Variants in QKI observed in about 807,000 individuals in gnomAD.
QKI encodes the protein KH domain-containing RNA-binding protein QKI.
QKI carries 10 observed loss-of-function variants against 39.0 expected under a neutral mutation model. The observed-to-expected ratio is 0.26, with a 90% CI of 0.16 to 0.43. The LOEUF (loss-of-function observed/expected upper bound fraction) is 0.43, where lower values mean the gene tolerates loss of function less well. QKI is among the 20% of genes least tolerant of loss of function. The pLI, the probability that QKI is intolerant of heterozygous loss-of-function variation, is 1.00. For synonymous variants in QKI, 204 were observed against 155.4 expected (o/e 1.31, Z -2.33); for missense variants, 218 against 428.0 (o/e 0.51, Z 4.33).
intron 3 of QKI, among the ~76,000 whole-genome samples, chr6:163,492,589 G>A (rs1778125409): frequency 6.6e-6 from 1 of 152,060 alleles, no homozygotes; most frequent in Non-Finnish European, 1.5e-5. Flanking sequence ...AAGATTTTTG[G>A]TGAATTAAAA....
intron 3 of QKI, among the ~76,000 whole-genome samples, chr6:163,482,868 C>A (rs763713106): frequency 3.9e-5 from 6 of 152,098 alleles, no homozygotes; most frequent in African/African-American, 1.4e-4. Flanking sequence ...CATTGGTGAT[C>A]GACTCAACAT....
intron 4 of QKI, among the ~76,000 whole-genome samples, chr6:163,551,936 T>C (rs1227873753): frequency 6.6e-6 from 1 of 152,176 alleles, no homozygotes; most frequent in East Asian, 1.9e-4. Flanking sequence ...TTGACCATAG[T>C]AGGGATTAGG....
chr6:163,431,577 T>C (rs922230714), intron 1 of QKI, among the ~76,000 whole-genome samples: 10 of 152,250 alleles, frequency 6.6e-5, no homozygotes, highest in Non-Finnish European at 1.5e-4. Flanking sequence ...TACTTATCTT[T>C]GTTAGGTCAT....
intron 7 of QKI, 125 bp from the exon 8 acceptor site, chr6:163,570,566 CTTT>C (rs565056784): frequency 3.7e-6 from 5 of 1,359,032 alleles, no homozygotes; most frequent in Non-Finnish European, 4.9e-6. Flanking sequence ...ATTAAACATG[CTTT>C]TTTTTTTATT....
intron 1 of QKI, chr6:163,415,833 G>A: frequency 4.2e-6 from 2 of 473,314 alleles, no homozygotes; most frequent in South Asian, 3.0e-5. Context: ...CTCCCCTCCC[G>A]TGAGGACTAA....
At chr6:163,569,884 G>C in intron 7 of QKI, 4 of 986,778 alleles carry the variant, frequency 4.1e-6, no homozygotes, top group Non-Finnish European at 4.8e-6. Flanking sequence ...AGAGCTTTTT[G>C]AGTGTAGAAT....
chr6:163,465,374 A>AT (rs1161310683), intron 2 of QKI, among the ~76,000 whole-genome samples: 1 of 152,178 alleles, frequency 6.6e-6, no homozygotes, highest in Admixed American at 6.5e-5. Flanking sequence ...CATGGCTCTG[A>AT]TTCCCAGCAC....
At chr6:163,570,560 A>G (rs1783644517) in intron 7 of QKI, 134 bp from the exon 8 acceptor site, 1 of 1,501,168 alleles carries the variant, frequency 6.7e-7, no homozygotes, top group South Asian at 1.4e-5. Context: ...GTCAGAATTA[A>G]ACATGCTTTT....
In QKI at chr6:163,573,609, G is replaced by A. The variant is rs983121540; in HGVS notation, c.*2899G>A. ...TTTTGATAACTGAAAATTGCCAATT[G>A]TTTTGCAGTACTTTATTATATTGGG... On this transcript the variant is annotated 3_prime_UTR_variant, in exon 8 of 8. Coordinates refer to ENST00000361752, the MANE Select transcript of QKI (RefSeq NM_006775.3). 2 of 152,116 alleles carry A rather than the reference G, an allele frequency of 1.3e-5. No homozygotes were observed. The highest frequency in any genetic ancestry group is 2.9e-5 in the Non-Finnish European group (2 of 67,998). 9.4% of individuals were successfully genotyped at this position (152,116 alleles called of 1,614,324 possible).
At chr6:163,441,278 A>C (rs1789745276) in intron 1 of QKI, among the ~76,000 whole-genome samples, 1 of 152,190 alleles carries the variant, frequency 6.6e-6, no homozygotes, top group South Asian at 2.1e-4. Flanking sequence ...CAGAATAAAG[A>C]GACCAAGCCA....
intron 1 of QKI, among the ~76,000 whole-genome samples, chr6:163,450,008 A>G (rs889680824): frequency 6.6e-6 from 1 of 151,582 alleles, no homozygotes; most frequent in Non-Finnish European, 1.5e-5. Flanking sequence ...TATAACATAT[A>G]TGTATAACAT....
At chr6:163,425,589 T>C (rs2128209059) in intron 1 of QKI, among the ~76,000 whole-genome samples, 1 of 152,254 alleles carries the variant, frequency 6.6e-6, no homozygotes, top group African/African-American at 2.4e-5. Context: ...ATTTTTTGAG[T>C]AGTGATATTT....
At chr6:163,428,628 G>A (rs2128210120) in intron 1 of QKI, among the ~76,000 whole-genome samples, 1 of 152,120 alleles carries the variant, frequency 6.6e-6, no homozygotes, top group South Asian at 2.1e-4. Flanking sequence ...TACATAGATT[G>A]CTTTAACATA....
At chr6:163,508,686 C>T (rs1397369993) in intron 3 of QKI, among the ~76,000 whole-genome samples, 1 of 151,702 alleles carries the variant, frequency 6.6e-6, no homozygotes, top group Non-Finnish European at 1.5e-5. Context: ...TGTGCTACCA[C>T]ACCCAGCTAA....
At chr6:163,566,153 A>G in intron 6 of QKI, 1 of 1,394,552 alleles carries the variant, frequency 7.2e-7, no homozygotes, top group Non-Finnish European at 9.3e-7. Flanking sequence ...ATTACACAGT[A>G]ATGGTAATTT....
At chr6:163,476,361 C>T (rs1180964000) in intron 2 of QKI, among the ~76,000 whole-genome samples, 2 of 141,368 alleles carry the variant, frequency 1.4e-5, no homozygotes, top group Non-Finnish European at 3.0e-5. Context: ...GCTTCTTTAT[C>T]TTGTCCTGTC....
At chr6:163,466,013 T>C (rs537436149) in intron 2 of QKI, among the ~76,000 whole-genome samples, 1 of 151,558 alleles carries the variant, frequency 6.6e-6, no homozygotes, top group African/African-American at 2.4e-5. Context: ...TAATCCCAGC[T>C]ACTTGGAAAG....
chr6:163,522,355 T>C (rs904583056), intron 3 of QKI, among the ~76,000 whole-genome samples: 3 of 152,164 alleles, frequency 2.0e-5, no homozygotes, highest in Non-Finnish European at 4.4e-5. Flanking sequence ...ATTATTTATG[T>C]ATTTATTAAA....
At chr6:163,425,715 G>A (rs1188704095) in intron 1 of QKI, among the ~76,000 whole-genome samples, 1 of 152,238 alleles carries the variant, frequency 6.6e-6, no homozygotes, top group South Asian at 2.1e-4. Flanking sequence ...CTTACCTACA[G>A]GTTAGTGTAT....
Sources: allele counts gnomAD v4.1 joint callset (sites outside exome capture counted in the v4.1 genomes callset), GRCh38; gene constraint gnomAD v4.1.1; transcripts MANE v1.5; gene names NCBI Gene and HGNC (gene_info 2026-07-23, HGNC 2026-07-21).